The following GRID2 variants were observed in gnomAD, a reference collection of about 807,000 sequenced individuals.
The protein encoded by GRID2 is glutamate ionotropic receptor delta type subunit 2, also known as glutamate receptor ionotropic, delta-2.
In GRID2, 33 loss-of-function variants were observed where a neutral mutation model predicts 114.8. That is an observed-to-expected ratio of 0.29 (90% CI 0.22 to 0.38). GRID2 has a LOEUF of 0.38. Among genes scored for constraint, GRID2 ranks in the 10% least tolerant of loss-of-function variants. The pLI is 1.00. For synonymous variants in GRID2, 505 were observed against 449.9 expected (o/e 1.12, Z -1.55); for missense variants, 1,184 against 1,257.7 (o/e 0.94, Z 0.89).
At chr4:92,956,181 T>A (rs930441346) in intron 2 of GRID2, among the ~76,000 whole-genome samples, 8 of 152,184 alleles carry the variant, frequency 5.3e-5, no homozygotes, top group Admixed American at 3.9e-4. Flanking sequence ...ATTAACAACA[T>A]CTTCCTAGAG....
intron 2 of GRID2, among the ~76,000 whole-genome samples, chr4:92,859,533 G>A (rs2149433145): frequency 6.6e-6 from 1 of 152,012 alleles, no homozygotes; most frequent in African/African-American, 2.4e-5. Flanking sequence ...CTTCTTCCTT[G>A]TTATCTTATA....
At chr4:92,883,703 C>G (rs186717400) in intron 2 of GRID2, among the ~76,000 whole-genome samples, 2 of 152,068 alleles carry the variant, frequency 1.3e-5, no homozygotes, top group Non-Finnish European at 2.9e-5. Context: ...GGTGACCAGG[C>G]GCATTGTCAA....
At chr4:92,393,226 A>G (rs1579289396) in intron 1 of GRID2, among the ~76,000 whole-genome samples, 1 of 151,622 alleles carries the variant, frequency 6.6e-6, no homozygotes, top group African/African-American at 2.4e-5. Flanking sequence ...TGATTCAAAA[A>G]CCTCCCACAA....
chr4:92,490,092 A>C (rs1723082291), intron 1 of GRID2, among the ~76,000 whole-genome samples: 1 of 152,150 alleles, frequency 6.6e-6, no homozygotes, highest in Non-Finnish European at 1.5e-5. Flanking sequence ...GTTGTTGAGG[A>C]AGAATTTCAT....
At chr4:92,820,923 A>C (rs1259575823) in intron 2 of GRID2, among the ~76,000 whole-genome samples, 2 of 152,104 alleles carry the variant, frequency 1.3e-5, no homozygotes, top group African/African-American at 4.8e-5. Context: ...TTTTCAAATT[A>C]ACAAAATAAC....
At chr4:92,860,975 A>C (rs1217226557) in intron 2 of GRID2, among the ~76,000 whole-genome samples, 1 of 152,066 alleles carries the variant, frequency 6.6e-6, no homozygotes, top group Non-Finnish European at 1.5e-5. Context: ...AGATAATATA[A>C]TATGTTAAGT....
chr4:93,608,069 T>C (rs2149655887), intron 13 of GRID2, among the ~76,000 whole-genome samples: 1 of 147,550 alleles, frequency 6.8e-6, no homozygotes, highest in East Asian at 2.0e-4. Flanking sequence ...CGTATATAAG[T>C]ATATATATGC....
At chr4:93,682,689 C>A (rs1227336857) in intron 14 of GRID2, among the ~76,000 whole-genome samples, 1 of 151,264 alleles carries the variant, frequency 6.6e-6, no homozygotes, top group Admixed American at 6.6e-5. Flanking sequence ...AGACAAAAAA[C>A]CAAACACCAT....
chr4:92,684,167 A>G (rs968294491), intron 2 of GRID2, among the ~76,000 whole-genome samples: 10 of 152,070 alleles, frequency 6.6e-5, no homozygotes, highest in Non-Finnish European at 1.3e-4. Flanking sequence ...AATTTATACT[A>G]TCATATATAA....
chr4:92,810,669 T>C (rs1019208429), intron 2 of GRID2, among the ~76,000 whole-genome samples: 2 of 152,140 alleles, frequency 1.3e-5, no homozygotes, highest in Non-Finnish European at 2.9e-5. Flanking sequence ...TGAATGGAAG[T>C]GTAATAGTAA....
chr4:93,779,466 A>C (rs1734437870), downstream of GRID2, among the ~76,000 whole-genome samples: 1 of 152,102 alleles, frequency 6.6e-6, no homozygotes, highest in Admixed American at 6.5e-5. Context: ...AGAGGGGATG[A>C]CTAGGCTGAA....
At chr4:93,025,531 A>C (rs949768397) in intron 2 of GRID2, among the ~76,000 whole-genome samples, 1 of 151,798 alleles carries the variant, frequency 6.6e-6, no homozygotes, top group Non-Finnish European at 1.5e-5. Context: ...ATGGTTGCTT[A>C]AAATGGATTT....
intron 2 of GRID2, among the ~76,000 whole-genome samples, chr4:92,709,819 G>C (rs2149308453): frequency 6.6e-6 from 1 of 151,798 alleles, no homozygotes; most frequent in Admixed American, 6.6e-5. Flanking sequence ...TCCTTTCTCA[G>C]ATTCAGAGTT....
At chr4:92,834,578 A>G (rs1243210523) in intron 2 of GRID2, among the ~76,000 whole-genome samples, 2 of 152,180 alleles carry the variant, frequency 1.3e-5, no homozygotes, top group African/African-American at 4.8e-5. Context: ...TATGGTAATG[A>G]ATAAGACAGA....
chr4:93,557,255 T>C (rs1317018402), intron 13 of GRID2, among the ~76,000 whole-genome samples: 1 of 152,148 alleles, frequency 6.6e-6, no homozygotes, highest in African/African-American at 2.4e-5. Flanking sequence ...TAACCTTAAA[T>C]GTAAATGGGC....
intron 2 of GRID2, among the ~76,000 whole-genome samples, chr4:92,593,918 A>G (rs1728827044): frequency 6.7e-6 from 1 of 150,216 alleles, no homozygotes; most frequent in Admixed American, 6.7e-5. Flanking sequence ...GTAAAAAGAT[A>G]AATACAAAAA....
rs113999826 is a variant in GRID2, at chr4:93,342,182, A to C, written c.1246-53425A>C. Among the ~76,000 whole-genome samples, 258 of 152,292 alleles carry C rather than the reference A, an allele frequency of 1.7e-3. 1 individual carries two copies. The highest frequency in any genetic ancestry group is 5.6e-3 in the African/African-American group (232 of 41,566). On this transcript the variant is annotated intron_variant, in intron 8 of 15. Coordinates refer to ENST00000282020, the MANE Select transcript of GRID2 (RefSeq NM_001510.4). ...AGTCCAACTCCTTACCAACACCTGT[A>C]AGTCCATGTAAGTCCAACACCTATA...
At chr4:93,682,051 C>A (rs1337458786) in intron 14 of GRID2, among the ~76,000 whole-genome samples, 4 of 151,614 alleles carry the variant, frequency 2.6e-5, no homozygotes, top group Admixed American at 2.6e-4. Context: ...GGCTAATATC[C>A]AGAATCTACA....
intron 4 of GRID2, among the ~76,000 whole-genome samples, chr4:93,144,503 G>A (rs1437576882): frequency 6.6e-6 from 1 of 152,178 alleles, no homozygotes; most frequent in African/African-American, 2.4e-5. Flanking sequence ...CTACAAAGCA[G>A]GTGGGAGAGA....
Sources: allele counts gnomAD v4.1 joint callset (sites outside exome capture counted in the v4.1 genomes callset), GRCh38; gene constraint gnomAD v4.1.1; transcripts MANE v1.5; gene names NCBI Gene and HGNC (gene_info 2026-07-23, HGNC 2026-07-21).